TPO: variants seen among roughly 807,000 people sequenced by gnomAD.
The protein encoded by TPO is thyroid peroxidase.
In TPO, 78 loss-of-function variants were observed where a neutral mutation model predicts 96.9. The observed-to-expected ratio is 0.81, with a 90% confidence interval of 0.67 to 0.97. The LOEUF (loss-of-function observed/expected upper bound fraction) is 0.97. Ranked by LOEUF, TPO falls within the 50% of genes least tolerant of loss-of-function variation. The pLI is 0.00. For synonymous variants in TPO, 547 were observed against 538.0 expected (o/e 1.02, Z -0.23); for missense variants, 1,252 against 1,274.8 (o/e 0.98, Z 0.27).
At chr2:1,471,640 C>T (rs1246335962) in intron 7 of TPO, among the ~76,000 whole-genome samples, 5 of 152,198 alleles carry the variant, frequency 3.3e-5, no homozygotes, top group African/African-American at 1.2e-4. Context: ...AGACTCTCCT[C>T]CTGCTCACTC....
intron 1 of TPO, among the ~76,000 whole-genome samples, chr2:1,375,361 G>T (rs1165169482): frequency 6.6e-6 from 1 of 152,072 alleles, no homozygotes; most frequent in South Asian, 2.1e-4. Context: ...TCAATTAGAA[G>T]TTTATGTTGC....
chr2:1,424,422 C>T (rs569646390), intron 3 of TPO, among the ~76,000 whole-genome samples: 2 of 152,304 alleles, frequency 1.3e-5, no homozygotes, highest in African/African-American at 4.8e-5. Flanking sequence ...CACCTTCCAT[C>T]GTGACCTGAC....
intron 9 of TPO, among the ~76,000 whole-genome samples, chr2:1,485,427 T>G (rs1163686172): frequency 2.0e-5 from 3 of 152,164 alleles, no homozygotes; most frequent in African/African-American, 7.2e-5. Flanking sequence ...GCCAAGTAAT[T>G]GGATCGCTGG....
intron 14 of TPO, among the ~76,000 whole-genome samples, chr2:1,516,669 C>T (rs1674746193): frequency 2.0e-5 from 3 of 152,194 alleles, no homozygotes; most frequent in Non-Finnish European, 4.4e-5. Flanking sequence ...GCCCTGTGTC[C>T]CCTGCTGGCT....
Position 1,496,578 on chromosome 2 carries a change from C to T in TPO, c.2216-17C>T. The T allele has an allele frequency of 6.2e-7, 1 of 1,613,632 alleles. No individual in the cohort carries two copies. Among genetic ancestry groups the T allele is most frequent in the Non-Finnish European group, 8.5e-7 (1 of 1,180,020 alleles). ...TCTCGTAGTTTGACTACATGTCAAC[C>T]TGTCCACATTTCATAGACGACAAGT... On this transcript the variant is annotated splice_polypyrimidine_tract_variant and intron_variant, in intron 12 of 16. Transcript: ENST00000329066.
intron 5 of TPO, among the ~76,000 whole-genome samples, chr2:1,451,635 T>G (rs1667308320): frequency 6.6e-6 from 1 of 152,220 alleles, no homozygotes; most frequent in South Asian, 2.1e-4. Context: ...CTGGTTGTGT[T>G]GCATGACTCT....
intron 15 of TPO, among the ~76,000 whole-genome samples, chr2:1,527,645 A>C (rs1676899428): frequency 3.5e-5 from 4 of 114,622 alleles, no homozygotes; most frequent in African/African-American, 7.2e-5. Context: ...CAGACTCCCC[A>C]AATCCCCCCC....
intron 5 of TPO, among the ~76,000 whole-genome samples, chr2:1,436,976 C>T (rs1558283743): frequency 6.6e-6 from 1 of 152,208 alleles, no homozygotes; most frequent in African/African-American, 2.4e-5. Context: ...ATCCGCCCAA[C>T]AGTGGTGACT....
At chr2:1,530,505 TCCCCAAATCTCCCCCACTCTGTGCAACCC>T (rs1677851420) in intron 15 of TPO, among the ~76,000 whole-genome samples, 2 of 74,808 alleles carry the variant, frequency 2.7e-5, no homozygotes, top group African/African-American at 5.8e-5. Context: ...CTGTGCAACC[TCCCCAAATCTCCCCCACTCTGTGCAACCC>T]CCCCAAATCC....
chr2:1,380,758 G>T (rs547245001), intron 1 of TPO, among the ~76,000 whole-genome samples: 10 of 152,254 alleles, frequency 6.6e-5, no homozygotes, highest in African/African-American at 2.4e-4. Context: ...GGCTGTTCTT[G>T]CATTGCTATA....
At chr2:1,527,968 C>T (rs1677017821) in intron 15 of TPO, among the ~76,000 whole-genome samples, 1 of 145,448 alleles carries the variant, frequency 6.9e-6, no homozygotes, top group South Asian at 2.3e-4. Flanking sequence ...CTCAAATACC[C>T]CACTGCGTGC....
At chr2:1,499,057 T>C (rs1357496094) in intron 13 of TPO, among the ~76,000 whole-genome samples, 2 of 152,124 alleles carry the variant, frequency 1.3e-5, no homozygotes, top group Non-Finnish European at 2.9e-5. Flanking sequence ...CACGTGTCCA[T>C]TTTAGCTTCA....
At chr2:1,422,036 G>C (rs1355923160) in intron 2 of TPO, among the ~76,000 whole-genome samples, 1 of 152,210 alleles carries the variant, frequency 6.6e-6, no homozygotes, top group Non-Finnish European at 1.5e-5. Context: ...GGGGGGCTCT[G>C]TTCATTGCTC....
intron 8 of TPO, among the ~76,000 whole-genome samples, chr2:1,478,501 C>T (rs962853184): frequency 1.3e-5 from 2 of 152,234 alleles, no homozygotes; most frequent in Admixed American, 6.5e-5. Flanking sequence ...GGGCACCATG[C>T]GCCCCTGCCG....
At chr2:1,433,289 A>C in intron 3 of TPO, 149 bp from the exon 4 acceptor site, 2 of 935,938 alleles carry the variant, frequency 2.1e-6, no homozygotes, top group Non-Finnish European at 3.2e-6. Flanking sequence ...GCAACTGCAC[A>C]TGTTTTACCT....
chr2:1,493,034 A>G lies in TPO; in HGVS notation c.1769-768A>G, dbSNP rs557165903. The stretch of plus-strand genomic sequence containing the variant: ...AAAGGCGCAGCCACAGAGTCAGACC[A>G]TGGACGGGGGCCTGGGCAGGGAGCA... On this transcript the variant is annotated intron_variant, in intron 10 of 16. Coordinates refer to ENST00000329066, the MANE Select transcript of TPO (RefSeq NM_001206744.2). Among the ~76,000 whole-genome samples, 91 of 152,140 alleles carry G rather than the reference A, an allele frequency of 6.0e-4. No individual in the cohort carries two copies. The Middle Eastern group carries it at 0.01, about 17-fold the overall frequency.
chr2:1,385,343 C>G (rs1255035254), intron 1 of TPO, among the ~76,000 whole-genome samples: 1 of 152,048 alleles, frequency 6.6e-6, no homozygotes, highest in Non-Finnish European at 1.5e-5. Flanking sequence ...CAGTCCTGGA[C>G]TTTTTTTGGT....
chr2:1,424,686 C>T (rs1484819187), intron 3 of TPO, among the ~76,000 whole-genome samples: 1 of 152,180 alleles, frequency 6.6e-6, no homozygotes. Flanking sequence ...TACACCTATT[C>T]CAACTATGTT....
intron 1 of TPO, among the ~76,000 whole-genome samples, chr2:1,407,193 C>T (rs1043082444): frequency 6.6e-6 from 1 of 152,148 alleles, no homozygotes; most frequent in African/African-American, 2.4e-5. Flanking sequence ...TGTATGTGTA[C>T]TATTACTTTC....
Sources: allele counts gnomAD v4.1 joint callset (sites outside exome capture counted in the v4.1 genomes callset), GRCh38; gene constraint gnomAD v4.1.1; transcripts MANE v1.5; gene names NCBI Gene and HGNC (gene_info 2026-07-23, HGNC 2026-07-21).